The following NELL2 variants were observed in gnomAD, a reference collection of about 807,000 sequenced individuals.
NELL2 encodes the protein neural EGFL like 2.
In NELL2, 41 loss-of-function variants were observed where a neutral mutation model predicts 109.6. The ratio of observed to expected loss-of-function variants is 0.37; its 90% confidence interval spans 0.29 to 0.49. The LOEUF (loss-of-function observed/expected upper bound fraction) is 0.49, where lower values mean the gene tolerates loss of function less well. Ranked by LOEUF, NELL2 falls within the 20% of genes least tolerant of loss-of-function variation. NELL2 has a pLI of 0.98. For missense variants in NELL2, 900 were observed against 1,008.3 expected, an observed-to-expected ratio of 0.89 and a Z score of 1.45; for synonymous variants, 355 against 344.7, an observed-to-expected ratio of 1.03 and a Z score of -0.33.
chr12:44,828,400 A>G (rs1248731705), intron 2 of NELL2, among the ~76,000 whole-genome samples: 1 of 152,128 alleles, frequency 6.6e-6, no homozygotes, highest in African/African-American at 2.4e-5. Flanking sequence ...TTCTTACTCC[A>G]ATTAAACCCC....
intron 9 of NELL2, among the ~76,000 whole-genome samples, chr12:44,748,797 T>C (rs1823150426): frequency 6.6e-6 from 1 of 152,294 alleles, no homozygotes; most frequent in Non-Finnish European, 1.5e-5. Context: ...TAAGATCAAC[T>C]TTCCAAACTA....
At chr12:44,586,286 A>T (rs1944497692) in intron 15 of NELL2, among the ~76,000 whole-genome samples, 1 of 149,206 alleles carries the variant, frequency 6.7e-6, no homozygotes, top group South Asian at 2.1e-4. Context: ...CAGTGTGATT[A>T]TATATATATA....
chr12:44,764,406 G>A (rs186208300), intron 9 of NELL2, among the ~76,000 whole-genome samples: 7 of 152,152 alleles, frequency 4.6e-5, no homozygotes, highest in Non-Finnish European at 7.4e-5. Context: ...ATTTTAATAC[G>A]AAATACTAGA....
intron 12 of NELL2, among the ~76,000 whole-genome samples, chr12:44,672,821 A>G (rs1238552864): frequency 1.3e-5 from 2 of 152,210 alleles, no homozygotes; most frequent in Non-Finnish European, 2.9e-5. Context: ...CTCAATGTTC[A>G]GTGTTGGGTC....
chr12:44,687,619 A>C (rs1948770011), intron 12 of NELL2, among the ~76,000 whole-genome samples: 1 of 152,182 alleles, frequency 6.6e-6, no homozygotes, highest in South Asian at 2.1e-4. Context: ...AGCAAAAGGA[A>C]TGCTAAGAGT....
chr12:44,540,106 A>G (rs1942482625), intron 15 of NELL2, among the ~76,000 whole-genome samples: 2 of 152,228 alleles, frequency 1.3e-5, no homozygotes, highest in African/African-American at 4.8e-5. Flanking sequence ...ACACACTTTT[A>G]TATACCTGTT....
intron 1 of NELL2, among the ~76,000 whole-genome samples, chr12:44,893,597 C>G (rs1361336226): frequency 1.3e-5 from 2 of 152,100 alleles, no homozygotes; most frequent in African/African-American, 2.4e-5. Context: ...TTCCTCATTG[C>G]ATATCAGGAG....
At chr12:44,602,792 A>T (rs535223622) in intron 15 of NELL2, among the ~76,000 whole-genome samples, 38 of 152,122 alleles carry the variant, frequency 2.5e-4, no homozygotes, top group Admixed American at 7.9e-4. Flanking sequence ...ATATGCCTTA[A>T]AAAAACAAAT....
chr12:44,661,569 A>G, intron 13 of NELL2, among the ~76,000 whole-genome samples: 1 of 152,144 alleles, frequency 6.6e-6, no homozygotes, highest in Non-Finnish European at 1.5e-5. Context: ...CACTGGTAAC[A>G]ATTCCATCTT....
At chr12:44,683,469 G>T (rs1029838565) in intron 12 of NELL2, among the ~76,000 whole-genome samples, 4 of 151,822 alleles carry the variant, frequency 2.6e-5, no homozygotes, top group African/African-American at 9.7e-5. Context: ...GAATAGGAGT[G>T]GTGAGAGAGG....
chr12:44,743,770 C>T (rs564581706), intron 9 of NELL2, among the ~76,000 whole-genome samples: 5 of 152,288 alleles, frequency 3.3e-5, no homozygotes, highest in African/African-American at 7.2e-5. Flanking sequence ...TATATATGCA[C>T]CCAATACAGG....
intron 3 of NELL2, among the ~76,000 whole-genome samples, chr12:44,785,549 C>T (rs535272476): frequency 3.9e-5 from 6 of 152,140 alleles, no homozygotes; most frequent in African/African-American, 9.6e-5. Flanking sequence ...CATATGGAAA[C>T]AAAAAAGAGC....
intron 9 of NELL2, among the ~76,000 whole-genome samples, chr12:44,718,515 G>A (rs1444017391): frequency 1.3e-5 from 2 of 152,210 alleles, no homozygotes; most frequent in African/African-American, 4.8e-5. Context: ...TGTGTGGCTT[G>A]TGTATATGTG....
chr12:44,896,507 C>A (rs73283021), intron 1 of NELL2, among the ~76,000 whole-genome samples: 1 of 152,082 alleles, frequency 6.6e-6, no homozygotes, highest in African/African-American at 2.4e-5. Flanking sequence ...GTACTGAAAG[C>A]TAAAGTGGTG....
chr12:44,781,238 C>A (rs1380997775), intron 3 of NELL2, among the ~76,000 whole-genome samples: 1 of 148,802 alleles, frequency 6.7e-6, no homozygotes, highest in Admixed American at 6.7e-5. Context: ...CAAAAAAATA[C>A]AATAATGGAA....
intron 15 of NELL2, among the ~76,000 whole-genome samples, chr12:44,567,442 GA>G (rs1358673111): frequency 6.6e-6 from 1 of 152,110 alleles, no homozygotes; most frequent in Non-Finnish European, 1.5e-5. Context: ...TCTTGAAATA[GA>G]AATCAGAGTT....
At chr12:44,664,683 C>T (rs1390850308) in intron 13 of NELL2, among the ~76,000 whole-genome samples, 1 of 151,968 alleles carries the variant, frequency 6.6e-6, no homozygotes, top group Admixed American at 6.6e-5. Flanking sequence ...TTTTTGGGTG[C>T]TCTCCAGTTT....
chr12:44,701,512 A>C (rs1225916080), intron 12 of NELL2, among the ~76,000 whole-genome samples: 1 of 152,114 alleles, frequency 6.6e-6, no homozygotes, highest in East Asian at 1.9e-4. Flanking sequence ...AAGCTGCATT[A>C]AACAAGTAAG....
Position 44,711,301 on chromosome 12 carries a change from C to T in NELL2, c.1180G>A (p.Val394Ile), listed in dbSNP as rs1175677733. Residue 394 changes from valine to isoleucine, a missense_variant, in exon 11 of 20, where the codon GTT becomes ATT. Physicochemically the swap from Val to Ile is conservative, Grantham distance 29. Transcript: ENST00000429094. ...TTCAAAAAAGTCTTACCTTTACAAA[C>T]TTTGCAACAGCTGTGAGACAAGGTT... ...QITLSHSCCK[V>I]CKGYDFCSER... is the part of the protein sequence containing the mutation. 1 of 1,612,006 alleles carries T rather than the reference C, an allele frequency of 6.2e-7. No individual in the cohort carries two copies.
Sources: gnomAD v4.1 joint callset for allele counts (sites outside exome capture counted in the v4.1 genomes callset) on GRCh38, gnomAD v4.1.1 for gene constraint, MANE v1.5 for transcripts, NCBI Gene and HGNC (gene_info 2026-07-23, HGNC 2026-07-21) for gene names.